RGPD2: variants seen among roughly 807,000 people sequenced by gnomAD.
RGPD2 encodes RANBP2-like and GRIP domain-containing protein 2.
In RGPD2, 2 loss-of-function variants were observed where a neutral mutation model predicts 36.0. That is an observed-to-expected ratio of 0.06 (90% confidence interval 0.02 to 0.17). RGPD2 has a LOEUF of 0.17. RGPD2 is among the 10% of genes least tolerant of loss of function. The probability of loss-of-function intolerance (pLI) is 1.00; values close to 1 mark genes in which losing one functional copy is unlikely to be tolerated. For synonymous variants in RGPD2, 19 were observed against 163.8 expected (o/e 0.12, Z 6.75); for missense variants, 40 against 464.3 (o/e 0.09, Z 8.40).
At chr2:87,906,940 T>C in the RGPD2 span, among the ~76,000 whole-genome samples, 1 of 115,594 alleles carries the variant, frequency 8.7e-6, no homozygotes, top group Non-Finnish European at 1.8e-5. Flanking sequence ...AATACAAGTA[T>C]AAAATAATGA....
At chr2:87,872,497 CT>C in the RGPD2 span, among the ~76,000 whole-genome samples, 59 of 151,626 alleles carry the variant, frequency 3.9e-4, no homozygotes, top group Non-Finnish European at 8.2e-4. Context: ...TGTTTTTAGA[CT>C]TTTCTTCTAT....
At chr2:87,829,522 T>C (rs1218345232), upstream of RGPD2, among the ~76,000 whole-genome samples, 26 of 152,110 alleles carry the variant, frequency 1.7e-4, no homozygotes, top group Admixed American at 1.4e-3. Flanking sequence ...AGAAGTTTAA[T>C]GGACTCACAG....
the RGPD2 span, among the ~76,000 whole-genome samples, chr2:87,983,828 C>A: frequency 6.6e-6 from 1 of 152,086 alleles, no homozygotes; most frequent in African/African-American, 2.4e-5. Context: ...CAGAAACATG[C>A]TGGCAGTGCT....
At chr2:87,876,635 A>T in the RGPD2 span, among the ~76,000 whole-genome samples, 1 of 152,274 alleles carries the variant, frequency 6.6e-6, no homozygotes, top group Admixed American at 6.5e-5. Flanking sequence ...TTATGTCATC[A>T]ATTTTAGAGT....
At chr2:87,832,190 G>T in the RGPD2 span, among the ~76,000 whole-genome samples, 2 of 149,368 alleles carry the variant, frequency 1.3e-5, no homozygotes, top group Non-Finnish European at 2.9e-5. Flanking sequence ...TAATATAATA[G>T]AACTAATTGT....
chr2:87,940,559 T>C, the RGPD2 span, among the ~76,000 whole-genome samples: 2 of 135,384 alleles, frequency 1.5e-5, no homozygotes, highest in Admixed American at 7.7e-5. Flanking sequence ...AGAGTCTGCA[T>C]GGCACTTAAG....
the RGPD2 span, among the ~76,000 whole-genome samples, chr2:87,921,754 C>T: frequency 1.3e-5 from 2 of 152,104 alleles, no homozygotes; most frequent in Admixed American, 6.5e-5. Context: ...TGTACACTCA[C>T]CTGAGGTAGG....
chr2:87,980,093 T>C, the RGPD2 span, among the ~76,000 whole-genome samples: 4 of 152,068 alleles, frequency 2.6e-5, no homozygotes, highest in East Asian at 7.7e-4. Flanking sequence ...CTCATGCCTG[T>C]AATCCCAGCA....
chr2:87,935,316 G>GA, the RGPD2 span, among the ~76,000 whole-genome samples: 32 of 148,078 alleles, frequency 2.2e-4, no homozygotes, highest in South Asian at 2.4e-3. Context: ...AGTATTCCAT[G>GA]AAAAAAAAAC....
At chr2:87,864,608 AGATAGATAGATAGATACATAGAT>A in the RGPD2 span, among the ~76,000 whole-genome samples, 6,715 of 138,724 alleles carry the variant, frequency 0.048, no homozygotes, top group Non-Finnish European at 0.066. Context: ...ATAGATAGAT[AGATAGATAGATAGATACATAGAT>A]GATAGATAGT....
the RGPD2 span, among the ~76,000 whole-genome samples, chr2:87,988,487 T>A: frequency 1.7e-5 from 2 of 118,380 alleles, no homozygotes; most frequent in East Asian, 5.8e-4. Flanking sequence ...GTTTCCCAGA[T>A]GTTCTTGCAA....
the RGPD2 span, among the ~76,000 whole-genome samples, chr2:87,937,199 C>T: frequency 1.3e-5 from 2 of 151,580 alleles, no homozygotes; most frequent in Non-Finnish European, 2.9e-5. Flanking sequence ...CAGAAAAAGC[C>T]GGTAGAGTCA....
chr2:87,876,505 C>T, the RGPD2 span, among the ~76,000 whole-genome samples: 1 of 152,240 alleles, frequency 6.6e-6, no homozygotes, highest in Non-Finnish European at 1.5e-5. Flanking sequence ...CATTAAGGAG[C>T]GGATCGCTCA....
chr2:87,846,327 T>G, the RGPD2 span, among the ~76,000 whole-genome samples: 2 of 152,090 alleles, frequency 1.3e-5, no homozygotes, highest in Non-Finnish European at 2.9e-5. Flanking sequence ...ACTCATTATT[T>G]CAATGCTTGC....
chr2:87,853,246 A>G, the RGPD2 span, among the ~76,000 whole-genome samples: 1 of 151,678 alleles, frequency 6.6e-6, no homozygotes. Flanking sequence ...TTTAAGAGAC[A>G]GCATCTTACT....
At chr2:87,988,542 T>TATATATATATATATATATATA in the RGPD2 span, among the ~76,000 whole-genome samples, 1,459 of 36,406 alleles carry the variant, frequency 0.04, 68 homozygotes, top group Non-Finnish European at 0.06. Context: ...TATATATATA[T>TATATATATATATATATATATA]TTTTTTTTTT....
the RGPD2 span, chr2:87,969,033 A>AAAC: frequency 7.1e-6 from 1 of 140,574 alleles, no homozygotes; most frequent in Non-Finnish European, 1.5e-5. Context: ...ATCATTAAAC[A>AAAC]AACAACAACA....
intron 17 of RGPD2, among the ~76,000 whole-genome samples, chr2:87,791,202 CAT>C (rs1401988032): frequency 6.6e-6 from 1 of 151,984 alleles, no homozygotes; most frequent in African/African-American, 2.4e-5. Context: ...GAGAGAGACA[CAT>C]AAAGTACTTT....
chr2:87,976,748 C>G, the RGPD2 span, among the ~76,000 whole-genome samples: 3 of 147,192 alleles, frequency 2.0e-5, no homozygotes, highest in African/African-American at 7.6e-5. Flanking sequence ...CTTTCAGGTT[C>G]TCCAGTGCAG....
Sources: gnomAD v4.1 joint callset for allele counts (sites outside exome capture counted in the v4.1 genomes callset) on GRCh38, gnomAD v4.1.1 for gene constraint, MANE v1.5 for transcripts, NCBI Gene and HGNC (gene_info 2026-07-23, HGNC 2026-07-21) for gene names.